TECPR2: variants seen among roughly 807,000 people sequenced by gnomAD.
TECPR2 encodes tectonin beta-propeller repeat containing 2, also known as tectonin beta-propeller repeat-containing protein 2.
A neutral mutation model predicts 138.1 loss-of-function variants in TECPR2; 65 were observed. The ratio of observed to expected loss-of-function variants is 0.47; its 90% CI spans 0.39 to 0.58. The LOEUF (loss-of-function observed/expected upper bound fraction) is 0.58. Among genes scored for constraint, TECPR2 ranks in the 20% least tolerant of loss-of-function variants. The probability of loss-of-function intolerance (pLI) is 0.00; values close to 1 mark genes in which losing one functional copy is unlikely to be tolerated. For missense variants in TECPR2, 1,553 were observed against 1,824.5 expected (o/e 0.85, Z 2.71); for synonymous variants, 746 against 749.8 (o/e 0.99, Z 0.08).
intron 17 of TECPR2, among the ~76,000 whole-genome samples, chr14:102,493,396 G>A (rs747728272): frequency 5.3e-5 from 8 of 152,188 alleles, no homozygotes; most frequent in African/African-American, 1.9e-4. Flanking sequence ...CCTCAGCCTC[G>A]GCCTCAGCTG....
Position 102,386,604 on chromosome 14 carries a change from ATTAC to A in TECPR2, c.219+9668_219+9671del, listed in dbSNP as rs1206185827. ...AAAGGTCTGAAGGAATTTTCACATG[ATTAC>A]TTAACTCTAGGTAGGGATTAAGATT... On this transcript the variant is annotated intron_variant, in intron 2 of 19. Coordinates refer to ENST00000359520, the MANE Select transcript of TECPR2 (RefSeq NM_014844.5). 8.5e-5 allele frequency among the ~76,000 whole-genome samples: 13 copies of A among 152,326 alleles called. No individual in the cohort carries two copies. The South Asian group carries it at 1.7e-3, about 19-fold the overall frequency.
chr14:102,447,223 C>T (rs1220599281), intron 13 of TECPR2, among the ~76,000 whole-genome samples: 5 of 152,098 alleles, frequency 3.3e-5, no homozygotes, highest in Non-Finnish European at 5.9e-5. Context: ...GGCAGGATCA[C>T]GACCCACCTC....
At chr14:102,391,016 G>A (rs943703682) in intron 2 of TECPR2, among the ~76,000 whole-genome samples, 15 of 152,250 alleles carry the variant, frequency 9.9e-5, no homozygotes, top group Admixed American at 2.6e-4. Flanking sequence ...CCTACATGTA[G>A]CTAATTCACC....
chr14:102,493,793 C>T (rs2139799691), intron 17 of TECPR2, among the ~76,000 whole-genome samples: 1 of 152,282 alleles, frequency 6.6e-6, no homozygotes. Flanking sequence ...AGGCGCGGCT[C>T]CCTCGGATCC....
At chr14:102,470,823 T>G (rs867051970) in intron 17 of TECPR2, among the ~76,000 whole-genome samples, 3,927 of 148,308 alleles carry the variant, frequency 0.026, 74 homozygotes, top group Middle Eastern at 0.085. Flanking sequence ...TTCTTGTGTT[T>G]TTTTTTTTTT....
intron 2 of TECPR2, among the ~76,000 whole-genome samples, chr14:102,392,508 A>G (rs1371186408): frequency 1.3e-5 from 2 of 151,614 alleles, no homozygotes; most frequent in African/African-American, 2.4e-5. Flanking sequence ...TTTCATTTCT[A>G]TTTCCAATAG....
At chr14:102,371,536 G>C (rs1187325626) in intron 1 of TECPR2, among the ~76,000 whole-genome samples, 2 of 152,100 alleles carry the variant, frequency 1.3e-5, no homozygotes, top group Non-Finnish European at 2.9e-5. Flanking sequence ...GACTTCTTGG[G>C]CACCTGGCCC....
At chr14:102,498,007 G>A in intron 19 of TECPR2, 96 bp from the exon 20 acceptor site, 6 of 823,938 alleles carry the variant, frequency 7.3e-6, no homozygotes, top group South Asian at 2.3e-5. Flanking sequence ...CTAGAATGTG[G>A]CAAGCCCAGA....
At chr14:102,399,975 G>T (rs553301756) in intron 2 of TECPR2, among the ~76,000 whole-genome samples, 1 of 151,358 alleles carries the variant, frequency 6.6e-6, no homozygotes, top group Non-Finnish European at 1.5e-5. Flanking sequence ...AGACTAAAAT[G>T]CTTTTTTAAA....
At chr14:102,418,789 T>C (rs998824145) in intron 5 of TECPR2, among the ~76,000 whole-genome samples, 1 of 151,118 alleles carries the variant, frequency 6.6e-6, no homozygotes, top group South Asian at 2.1e-4. Context: ...TGGGGCGGGG[T>C]TGGTGGTCGG....
At chr14:102,456,590 C>CT (rs532308547) in intron 16 of TECPR2, among the ~76,000 whole-genome samples, 6,337 of 138,138 alleles carry the variant, frequency 0.046, 386 homozygotes, top group African/African-American at 0.13. Flanking sequence ...CCCTCTCGCT[C>CT]TTTTTTTTTT....
intron 17 of TECPR2, 200 bp downstream of exon 17, chr14:102,465,489 C>G (rs1009237416): frequency 7.4e-7 from 1 of 1,355,018 alleles, no homozygotes; most frequent in Non-Finnish European, 9.4e-7. Flanking sequence ...GCTGAACAGA[C>G]TGTTACAGAT....
At chr14:102,488,204 C>CT (rs956074734) in intron 17 of TECPR2, among the ~76,000 whole-genome samples, 20 of 150,768 alleles carry the variant, frequency 1.3e-4, no homozygotes, top group Admixed American at 2.7e-4. Context: ...TCACCTACTA[C>CT]TTTTTTTTTG....
chr14:102,484,100 A>T (rs1438234955), intron 17 of TECPR2, among the ~76,000 whole-genome samples: 3 of 152,012 alleles, frequency 2.0e-5, no homozygotes, highest in African/African-American at 7.3e-5. Flanking sequence ...CCCAGCCTGG[A>T]GGCTTCCTTT....
intron 2 of TECPR2, among the ~76,000 whole-genome samples, chr14:102,385,731 CG>C (rs1567318722): frequency 6.6e-6 from 1 of 151,414 alleles, no homozygotes; most frequent in East Asian, 2.0e-4. Context: ...CTCAGGAGTT[CG>C]AGACTAGCCT....
intron 2 of TECPR2, among the ~76,000 whole-genome samples, chr14:102,379,398 A>G (rs1299125102): frequency 6.9e-6 from 1 of 145,786 alleles, no homozygotes; most frequent in Non-Finnish European, 1.5e-5. Context: ...TAAAGATCAC[A>G]GTCTTAAAAT....
chr14:102,404,678 A>G (rs12880463), intron 2 of TECPR2, among the ~76,000 whole-genome samples: 17 of 151,564 alleles, frequency 1.1e-4, no homozygotes, highest in Non-Finnish European at 2.4e-4. Flanking sequence ...CTAGGTTCAA[A>G]TGATGCTCCT....
Position 102,431,958 on chromosome 14 carries a change from C to G in TECPR2, c.1247C>G (p.Thr416Ser). ...AGCAGGAGCAGCTCGCTCAACTCCA[C>G]CGACAGCGGCTCCGGGCTCCTGCCC... is the stretch of plus-strand genomic sequence containing the variant. ...PRSRSSSLNS[T>S]DSGSGLLPPG... Residue 416 changes from threonine (T) to serine (S), a missense_variant, in exon 8 of 20, where the codon ACC becomes AGC. By Grantham distance (58) the Thr-to-Ser change is moderately conservative (BLOSUM62 1). Transcript: ENST00000359520. The G allele has an allele frequency of 2.5e-6, 4 of 1,613,062 alleles. No individual in the cohort carries two copies. The highest frequency in any genetic ancestry group is 3.4e-6 in the Non-Finnish European group (4 of 1,179,780).
chr14:102,461,355 G>A (rs1206802127), intron 16 of TECPR2, among the ~76,000 whole-genome samples: 1 of 152,020 alleles, frequency 6.6e-6, no homozygotes, highest in African/African-American at 2.4e-5. Context: ...TATGCCGTTA[G>A]GTAACAAACA....
Sources: gnomAD v4.1 joint callset for allele counts (sites outside exome capture counted in the v4.1 genomes callset) on GRCh38, gnomAD v4.1.1 for gene constraint, MANE v1.5 for transcripts, NCBI Gene and HGNC (gene_info 2026-07-23, HGNC 2026-07-21) for gene names.